NRXN1: variants seen among roughly 807,000 people sequenced by gnomAD.
The protein encoded by NRXN1 is neurexin-1.
A neutral mutation model predicts 150.9 loss-of-function variants in NRXN1; 39 were observed. That is an observed-to-expected ratio of 0.26 (90% confidence interval 0.20 to 0.34). NRXN1 has a LOEUF of 0.34. NRXN1 is among the 10% of genes least tolerant of loss of function. NRXN1 has a pLI of 1.00. For missense variants in NRXN1, 1,815 were observed against 1,949.9 expected (o/e 0.93, Z 1.30); for synonymous variants, 924 against 757.0 (o/e 1.22, Z -3.62).
chr2:50,016,339 A>G (rs1686591466), intron 21 of NRXN1, among the ~76,000 whole-genome samples: 1 of 152,170 alleles, frequency 6.6e-6, no homozygotes, highest in East Asian at 1.9e-4. Flanking sequence ...ACTTGAAGTG[A>G]GAGAAGGAAC....
chr2:50,211,207 C>T (rs2062989746), intron 18 of NRXN1, among the ~76,000 whole-genome samples: 2 of 151,518 alleles, frequency 1.3e-5, no homozygotes, highest in African/African-American at 4.8e-5. Flanking sequence ...AAGAATTAAC[C>T]ATAGGAACTG....
At chr2:49,996,674 C>G (rs1016810879) in intron 21 of NRXN1, among the ~76,000 whole-genome samples, 1 of 152,184 alleles carries the variant, frequency 6.6e-6, no homozygotes. Flanking sequence ...AGGAAGGGGC[C>G]ATAAACTGAG....
chr2:50,579,421 A>G (rs1156310036), intron 8 of NRXN1, among the ~76,000 whole-genome samples: 1 of 152,300 alleles, frequency 6.6e-6, no homozygotes, highest in Non-Finnish European at 1.5e-5. Context: ...GGTACTTCGG[A>G]AGGCCGAGGC....
rs181308519 is a variant in NRXN1, at chr2:50,119,390, C to T, written c.3547-27896G>A. 5.9e-4 allele frequency among the ~76,000 whole-genome samples: 89 copies of T among 151,900 alleles called. 1 individual carries two copies. Among genetic ancestry groups the T allele is most frequent in the Non-Finnish European group, 9.3e-4 (63 of 67,964 alleles). ...TTTATTTGGAAAATGTAAGGAGATA[C>T]GTAAGTGTGGATATAGATTCTTCTA... On this transcript the variant is annotated intron_variant, in intron 18 of 22. Transcript: ENST00000401669.
intron 21 of NRXN1, among the ~76,000 whole-genome samples, chr2:50,020,206 C>T (rs11895835): frequency 0.18 from 26,870 of 151,828 alleles, 3,033 homozygotes; most frequent in African/African-American, 0.31. Flanking sequence ...AATGGGTAAT[C>T]CATATTAAAA....
At chr2:50,623,648 AACAAAT>A in intron 5 of NRXN1, 33 bp from the exon 6 acceptor site, 1 of 1,496,684 alleles carries the variant, frequency 6.7e-7, no homozygotes, top group South Asian at 1.2e-5. Context: ...TACATAAGTA[AACAAAT>A]ACACTATGCA....
chr2:50,217,966 A>T (rs1006406715), intron 18 of NRXN1, among the ~76,000 whole-genome samples: 1 of 151,934 alleles, frequency 6.6e-6, no homozygotes, highest in Non-Finnish European at 1.5e-5. Context: ...TTGTATCTCA[A>T]TTTAGCTCAT....
At chr2:50,689,018 T>A (rs73933032) in intron 5 of NRXN1, among the ~76,000 whole-genome samples, 13,039 of 152,186 alleles carry the variant, frequency 0.086, 650 homozygotes, top group Middle Eastern at 0.13. Context: ...TTACTACTAA[T>A]AGTAGGGTTT....
chr2:50,842,269 A>G (rs1251732627), intron 5 of NRXN1, among the ~76,000 whole-genome samples: 2 of 152,194 alleles, frequency 1.3e-5, no homozygotes, highest in Non-Finnish European at 2.9e-5. Context: ...GATCACAGAT[A>G]TGTGTTAATA....
chr2:49,933,432 C>G (rs947841599), intron 22 of NRXN1, among the ~76,000 whole-genome samples: 5 of 152,106 alleles, frequency 3.3e-5, no homozygotes, highest in African/African-American at 1.2e-4. Flanking sequence ...CCCTTCCAGC[C>G]ACATTCCTCT....
At chr2:50,535,748 A>T (rs1003427544) in intron 10 of NRXN1, among the ~76,000 whole-genome samples, 20 of 152,288 alleles carry the variant, frequency 1.3e-4, no homozygotes, top group African/African-American at 4.6e-4. Flanking sequence ...GTTAGCAAGT[A>T]TCTTATTCTT....
chr2:50,586,121 C>A (rs987951970), intron 8 of NRXN1, among the ~76,000 whole-genome samples: 4 of 152,182 alleles, frequency 2.6e-5, no homozygotes, highest in Admixed American at 6.5e-5. Context: ...CTACATTAGC[C>A]TTTTTCAGTA....
intron 22 of NRXN1, among the ~76,000 whole-genome samples, chr2:49,927,748 T>C (rs940805921): frequency 3.9e-5 from 6 of 152,210 alleles, no homozygotes; most frequent in African/African-American, 1.4e-4. Context: ...ACCTTATCTT[T>C]CTATTGACAA....
At chr2:50,862,462 G>A (rs1265291545) in intron 5 of NRXN1, among the ~76,000 whole-genome samples, 3 of 151,938 alleles carry the variant, frequency 2.0e-5, no homozygotes, top group Non-Finnish European at 4.4e-5. Flanking sequence ...ATTTAACTTG[G>A]TACATGGATA....
At chr2:50,272,139 C>T (rs549332185) in intron 17 of NRXN1, among the ~76,000 whole-genome samples, 48 of 152,292 alleles carry the variant, frequency 3.2e-4, no homozygotes, top group Admixed American at 9.2e-4. Flanking sequence ...CACAGGCTGG[C>T]TGTTTTGCAT....
chr2:49,949,095 T>G (rs1378443557), intron 21 of NRXN1, among the ~76,000 whole-genome samples: 3 of 152,018 alleles, frequency 2.0e-5, no homozygotes, highest in Non-Finnish European at 4.4e-5. Context: ...ATCCATCCTT[T>G]TCTATATTTG....
At chr2:50,421,990 C>T (rs970531061) in intron 17 of NRXN1, among the ~76,000 whole-genome samples, 6 of 152,108 alleles carry the variant, frequency 3.9e-5, no homozygotes, top group African/African-American at 1.4e-4. Flanking sequence ...TCCACCTTTC[C>T]TTCATATACG....
rs554368997 is a variant in NRXN1 at position 50,383,197 on chromosome 2, G to A, written c.3364+82245C>T. On this transcript the variant is annotated intron_variant, in intron 17 of 22. Coordinates refer to ENST00000401669, the MANE Select transcript of NRXN1 (RefSeq NM_001330078.2). ...CTGGTATACTATTGTGAGGATTTCA[G>A]CAGAGTACAACTAGGACAGAATATG... is the stretch of plus-strand genomic sequence containing the variant. Among the ~76,000 whole-genome samples the A allele has an allele frequency of 2.6e-5, 4 of 152,252 alleles. No homozygotes were observed. In the South Asian group the frequency reaches 6.2e-4, roughly 24 times the overall value.
intron 17 of NRXN1, among the ~76,000 whole-genome samples, chr2:50,239,890 A>G (rs1163275863): frequency 6.6e-6 from 1 of 150,630 alleles, no homozygotes; most frequent in Non-Finnish European, 1.5e-5. Context: ...ACTTTTAAAA[A>G]GAGAAAAATA....
Sources: gnomAD v4.1 joint callset for allele counts (sites outside exome capture counted in the v4.1 genomes callset) on GRCh38, gnomAD v4.1.1 for gene constraint, MANE v1.5 for transcripts, NCBI Gene and HGNC (gene_info 2026-07-23, HGNC 2026-07-21) for gene names.